The following ZNF729 variants were observed in gnomAD, a reference collection of about 807,000 sequenced individuals.
ZNF729 encodes zinc finger protein 729.
ZNF729 carries 15 observed loss-of-function variants against 12.2 expected under a neutral mutation model. The ratio of observed to expected loss-of-function variants is 1.23; its 90% CI spans 0.82 to 1.89. ZNF729 has a LOEUF of 1.89. ZNF729 is among the 40% of genes most tolerant of loss of function. The pLI, the probability that ZNF729 is intolerant of heterozygous loss-of-function variation, is 0.00. For synonymous variants in ZNF729, 492 were observed against 476.3 expected, an observed-to-expected ratio of 1.03 and a Z score of -0.43; for missense variants, 1,540 against 1,456.7, an observed-to-expected ratio of 1.06 and a Z score of -0.93.
Position 22,315,744 on chromosome 19 carries a change from C to G in ZNF729, c.2327C>G (p.Ala776Gly). 3 of 1,607,392 alleles carry G rather than the reference C, an allele frequency of 1.9e-6. No individual in the cohort carries two copies. Among genetic ancestry groups the G allele is most frequent in the Non-Finnish European group, 2.5e-6 (3 of 1,178,488 alleles). The change falls in exon 4 of 4, where the codon GCT becomes GGT. Residue 776 changes from alanine to glycine, a missense_variant. By Grantham distance (60) the Ala-to-Gly change is moderately conservative. Coordinates refer to ENST00000601693, the MANE Select transcript of ZNF729 (RefSeq NM_001242680.2). ...KLYKCEECVK[A>G]FNSFSALMKH... ...TACAAATGTGAAGAATGTGTCAAAG[C>G]TTTTAACAGTTTCTCAGCCCTTATG...
Position 22,313,893 on chromosome 19 carries a change from A to G in ZNF729, c.476A>G (p.His159Arg), listed in dbSNP as rs1260464866. Residue 159 changes from histidine (H) to arginine (R), a missense_variant, in exon 4 of 4, where the codon CAT (histidine) becomes CGT (arginine). Transcript: ENST00000601693. ...TQRKIFQCNK[H>R]MKVFHKYSNR... The stretch of plus-strand genomic sequence containing the variant: ...AGAAAAATATTTCAGTGTAACAAAC[A>G]TATGAAAGTCTTTCATAAATATTCA... 1.3e-6 allele frequency: 2 copies of G among 1,536,962 alleles called. No homozygotes were observed. Among genetic ancestry groups the G allele is most frequent in the Non-Finnish European group, 1.7e-6 (2 of 1,144,742 alleles).
rs117438167 is a variant in ZNF729, at chr19:22,312,690, A to G, written c.254-981A>G. 1.3e-3 allele frequency among the ~76,000 whole-genome samples: 196 copies of G among 152,190 alleles called. 1 individual carries two copies. In the East Asian group the frequency reaches 0.036, roughly 28 times the overall value. On this transcript the variant is annotated intron_variant, in intron 3 of 3. Coordinates refer to ENST00000601693, the MANE Select transcript of ZNF729 (RefSeq NM_001242680.2). ...AAAGGCCCCTGGAAGCCAGAAATAA[A>G]TATATATGTGCTACTGGTTTTTTTG... is the stretch of plus-strand genomic sequence containing the variant.
At chr19:22,307,658 G>A (rs1968396517) in intron 3 of ZNF729, among the ~76,000 whole-genome samples, 1 of 149,766 alleles carries the variant, frequency 6.7e-6, no homozygotes, top group Non-Finnish European at 1.5e-5. Context: ...CAGGAGAATC[G>A]CTTGAACCTG....
Position 22,314,291 on chromosome 19 carries a change from T to G in ZNF729, c.874T>G (p.Tyr292Asp). The part of the protein sequence containing the change: ...HKRIHTGEKT[Y>D]KCEECGKAFK... Reference sequence around the variant, plus strand: ...GAGAATTCATACTGGAGAGAAAACCTACAAATGTGAAGAATGTGGCAAAGC... The same window carrying G: ...GAGAATTCATACTGGAGAGAAAACCGACAAATGTGAAGAATGTGGCAAAGC... Residue 292 changes from tyrosine to aspartate, a missense_variant, in exon 4 of 4, where the codon TAC (tyrosine) becomes GAC (aspartate). Tyr to Asp is a radical substitution (Grantham distance 160). Coordinates refer to ENST00000601693, the MANE Select transcript of ZNF729 (RefSeq NM_001242680.2). The G allele has an allele frequency of 6.2e-7, 1 of 1,610,632 alleles. No individual in the cohort carries two copies. The highest frequency in any genetic ancestry group is 1.1e-5 in the South Asian group (1 of 90,948).
chr19:22,304,981 C>G lies in ZNF729; in HGVS notation c.253+198C>G, dbSNP rs566665428. Among the ~76,000 whole-genome samples, 99 of 152,282 alleles carry G rather than the reference C, an allele frequency of 6.5e-4. 2 individuals are homozygous for G. The highest frequency in any genetic ancestry group is 9.9e-4 in the Non-Finnish European group (67 of 68,018). On this transcript the variant is annotated intron_variant, in intron 3 of 3. Coordinates refer to ENST00000601693, the MANE Select transcript of ZNF729 (RefSeq NM_001242680.2). ...TAAAATTCTCTAAGGATTCTGTTTT[C>G]ATTTTGGTGATCTCCCTTCAAGTTT...
intron 1 of ZNF729, among the ~76,000 whole-genome samples, chr19:22,301,762 A>G (rs1419544742): frequency 6.6e-6 from 1 of 152,308 alleles, no homozygotes; most frequent in East Asian, 1.9e-4. Flanking sequence ...CTTAGGAGTG[A>G]GAGATCAAGG....
intron 3 of ZNF729, among the ~76,000 whole-genome samples, chr19:22,307,523 C>A (rs1044993892): frequency 9.9e-5 from 15 of 150,972 alleles, no homozygotes; most frequent in Non-Finnish European, 5.9e-5. Flanking sequence ...GTGGGTGGAT[C>A]ACCTGGGGTA....
chr19:22,293,085 G>GT (rs1441235470), intron 1 of ZNF729, among the ~76,000 whole-genome samples: 2 of 151,970 alleles, frequency 1.3e-5, no homozygotes, highest in Non-Finnish European at 2.9e-5. Flanking sequence ...TCTGGTTGTG[G>GT]TTTTTTCTTT....
At chr19:22,295,732 G>C (rs181331107) in intron 1 of ZNF729, among the ~76,000 whole-genome samples, 4 of 152,236 alleles carry the variant, frequency 2.6e-5, no homozygotes, top group Admixed American at 2.0e-4. Flanking sequence ...AACGCTTTCA[G>C]CTTGTATCCA....
At chr19:22,300,848 C>T (rs1271708422) in intron 1 of ZNF729, among the ~76,000 whole-genome samples, 2 of 152,152 alleles carry the variant, frequency 1.3e-5, no homozygotes, top group East Asian at 1.9e-4. Context: ...TGCTAAAATG[C>T]CCACAAATGT....
At position 22,286,505 on chromosome 19, in the gene ZNF729, A is replaced by AT. The variant is rs781441299; in HGVS notation, c.-19dup. 10 of 1,612,806 alleles carry AT rather than the reference A, an allele frequency of 6.2e-6. No individual in the cohort carries two copies. Among genetic ancestry groups the AT allele is most frequent in the Non-Finnish European group, 7.6e-6 (9 of 1,179,832 alleles). Reference sequence around the variant, plus strand: ...CCTCTGTGGCCCTGTAACCTGCGGCATTGGAAGATCCACAGCTAACATGCC... The same window carrying AT: ...CCTCTGTGGCCCTGTAACCTGCGGCATTTGGAAGATCCACAGCTAACATGCC... On this transcript the variant is annotated 5_prime_UTR_variant, in exon 1 of 4. Transcript: ENST00000601693.
chr19:22,310,366 G>A (rs1393694139), intron 3 of ZNF729, among the ~76,000 whole-genome samples: 1 of 152,048 alleles, frequency 6.6e-6, no homozygotes, highest in African/African-American at 2.4e-5. Context: ...TTACATTGAT[G>A]TATGTCCCTT....
Position 22,298,314 on chromosome 19 carries a change from AAT to A in ZNF729, c.31-5440_31-5439del, listed in dbSNP as rs546603241. 1.9e-3 allele frequency among the ~76,000 whole-genome samples: 292 copies of A among 152,218 alleles called. 1 individual carries two copies. Among genetic ancestry groups the A allele is most frequent in the Non-Finnish European group, 3.3e-3 (227 of 68,018 alleles). On this transcript the variant is annotated intron_variant, in intron 1 of 3. Transcript: ENST00000601693. Reference sequence around the variant, plus strand: ...ATATAAAGTATATATACATATAAAAAATATAGTGTTTTAACTGAATTATGGCT... The same window carrying A: ...ATATAAAGTATATATACATATAAAAAATAGTGTTTTAACTGAATTATGGCT...
intron 1 of ZNF729, among the ~76,000 whole-genome samples, chr19:22,291,563 C>A (rs1428902364): frequency 3.3e-5 from 5 of 152,144 alleles, no homozygotes; most frequent in African/African-American, 1.2e-4. Context: ...CAGCAGCAAC[C>A]TGTTTTCTCC....
intron 3 of ZNF729, among the ~76,000 whole-genome samples, chr19:22,310,298 G>T (rs567480607): frequency 2.0e-5 from 3 of 152,004 alleles, no homozygotes; most frequent in African/African-American, 7.3e-5. Context: ...CAGAGGGAAT[G>T]CTTTCAACTT....
chr19:22,316,266 C>G lies in ZNF729; in HGVS notation c.2849C>G (p.Thr950Ser). The part of the protein sequence containing the change: ...ECGKAFNDSS[T>S]LMKHKIIHTG... ...GGCAAAGCTTTTAATGATTCCTCAA[C>G]CCTTATGAAGCATAAGATAATTCAT... is the stretch of plus-strand genomic sequence containing the variant. Residue 950 changes from threonine to serine, a missense_variant, in exon 4 of 4, where the codon ACC (threonine) becomes AGC (serine). Transcript: ENST00000601693. 6.2e-7 allele frequency: 1 copy of G among 1,613,216 alleles called. No individual in the cohort carries two copies.
chr19:22,287,938 C>T (rs1450398781), intron 1 of ZNF729, among the ~76,000 whole-genome samples: 2 of 151,696 alleles, frequency 1.3e-5, no homozygotes, highest in Admixed American at 6.6e-5. Flanking sequence ...CTCCGCCTTC[C>T]GGGTTCAAGC....
intron 1 of ZNF729, among the ~76,000 whole-genome samples, chr19:22,294,217 A>C (rs895083708): frequency 6.6e-6 from 1 of 152,216 alleles, no homozygotes; most frequent in Non-Finnish European, 1.5e-5. Context: ...ACCATTTATT[A>C]AATAGGGAAT....
intron 3 of ZNF729, among the ~76,000 whole-genome samples, chr19:22,312,289 G>A (rs1198577288): frequency 1.3e-5 from 2 of 151,830 alleles, no homozygotes; most frequent in Non-Finnish European, 2.9e-5. Context: ...TATATACATT[G>A]TAATCGTTGA....
Sources: gnomAD v4.1 joint callset for allele counts (sites outside exome capture counted in the v4.1 genomes callset) on GRCh38, gnomAD v4.1.1 for gene constraint, MANE v1.5 for transcripts, NCBI Gene and HGNC (gene_info 2026-07-23, HGNC 2026-07-21) for gene names.